SPTLC2: variants seen among roughly 807,000 people sequenced by gnomAD.
SPTLC2 encodes the protein serine palmitoyltransferase 2.
SPTLC2 carries 21 observed loss-of-function variants against 62.0 expected under a neutral mutation model. The ratio of observed to expected loss-of-function variants is 0.34; its 90% CI spans 0.24 to 0.49. The LOEUF is 0.49. Ranked by LOEUF, SPTLC2 falls within the 20% of genes least tolerant of loss-of-function variation. The probability of loss-of-function intolerance (pLI) is 0.99; values close to 1 mark genes in which losing one functional copy is unlikely to be tolerated. For synonymous variants in SPTLC2, 261 were observed against 261.8 expected (o/e 1.00, Z 0.03); for missense variants, 511 against 713.0 (o/e 0.72, Z 3.23).
intron 9 of SPTLC2, among the ~76,000 whole-genome samples, chr14:77,533,884 G>A (rs1344647743): frequency 2.0e-5 from 3 of 152,054 alleles, no homozygotes; most frequent in East Asian, 1.9e-4. Flanking sequence ...TGGGCTGGGC[G>A]CAGTGGCTCA....
intron 9 of SPTLC2, among the ~76,000 whole-genome samples, chr14:77,541,020 TTTA>T (rs2079497911): frequency 1.1e-5 from 1 of 92,720 alleles, no homozygotes; most frequent in African/African-American, 9.6e-5. Context: ...AAACATTTTA[TTTA>T]TTTATTTATT....
At chr14:77,534,022 G>C (rs757293304) in intron 9 of SPTLC2, among the ~76,000 whole-genome samples, 7 of 152,048 alleles carry the variant, frequency 4.6e-5, no homozygotes, top group Non-Finnish European at 7.4e-5. Flanking sequence ...ACCAGGTGTG[G>C]TGACGCACGC....
At chr14:77,598,139 A>T (rs1251909677) in intron 1 of SPTLC2, among the ~76,000 whole-genome samples, 5 of 151,582 alleles carry the variant, frequency 3.3e-5, no homozygotes, top group Non-Finnish European at 7.4e-5. Flanking sequence ...AAAAAAAAAA[A>T]GAATTTTGTA....
intron 5 of SPTLC2, among the ~76,000 whole-genome samples, chr14:77,566,568 C>G (rs1046872435): frequency 6.6e-6 from 1 of 152,118 alleles, no homozygotes; most frequent in Non-Finnish European, 1.5e-5. Context: ...CGGGTTCACG[C>G]CATTCTCCTG....
intron 9 of SPTLC2, among the ~76,000 whole-genome samples, chr14:77,543,955 CA>C (rs2079515082): frequency 6.6e-6 from 1 of 152,096 alleles, no homozygotes; most frequent in African/African-American, 2.4e-5. Context: ...CAATTACCAT[CA>C]ATCAGTAGAG....
chr14:77,610,912 T>C (rs963500432), intron 1 of SPTLC2, among the ~76,000 whole-genome samples: 30 of 132,372 alleles, frequency 2.3e-4, no homozygotes, highest in African/African-American at 7.8e-4. Context: ...TCTTTATATA[T>C]ATATATTTTT....
Position 77,521,494 on chromosome 14 carries a change from T to C in SPTLC2, c.1391A>G (p.Glu464Gly). The C allele has an allele frequency of 6.2e-7, 1 of 1,614,196 alleles. No individual in the cohort carries two copies. The highest frequency in any genetic ancestry group is 8.5e-7 in the Non-Finnish European group (1 of 1,180,026). Residue 464 changes from glutamate to glycine, a missense_variant, in exon 10 of 12, where the codon GAA becomes GGA. Coordinates refer to ENST00000216484, the MANE Select transcript of SPTLC2 (RefSeq NM_004863.4). ...CATCAAAGGCACTACTGGAGAGTCTTCATTTCCATAGATGATGAAGCCCAT... is the reference window on the plus strand; with the variant it reads ...CATCAAAGGCACTACTGGAGAGTCTCCATTTCCATAGATGATGAAGCCCAT... ...KEMGFIIYGN[E>G]DSPVVPLMLY...
intron 11 of SPTLC2, among the ~76,000 whole-genome samples, chr14:77,513,755 C>T (rs2079344925): frequency 1.3e-5 from 2 of 152,044 alleles, no homozygotes; most frequent in African/African-American, 2.4e-5. Context: ...ATTAGCTGGG[C>T]GTGGTGGCAC....
At chr14:77,529,757 G>A (rs538077665) in intron 9 of SPTLC2, among the ~76,000 whole-genome samples, 1 of 151,200 alleles carries the variant, frequency 6.6e-6, no homozygotes, top group African/African-American at 2.4e-5. Context: ...CAAGTAGCTG[G>A]GATTACAGAT....
chr14:77,606,373 C>CTGTGTGTG (rs59065946), intron 1 of SPTLC2, among the ~76,000 whole-genome samples: 2,414 of 148,330 alleles, frequency 0.016, 28 homozygotes, highest in Middle Eastern at 0.024. Context: ...AGGGAGGGGA[C>CTGTGTGTG]TGTGTGTGTG....
At chr14:77,581,301 C>T (rs2079748714) in intron 2 of SPTLC2, among the ~76,000 whole-genome samples, 1 of 151,980 alleles carries the variant, frequency 6.6e-6, no homozygotes, top group African/African-American at 2.4e-5. Flanking sequence ...ACACCGGACT[C>T]TCAAGTGCCT....
chr14:77,554,143 T>C (rs2079570604), intron 8 of SPTLC2, among the ~76,000 whole-genome samples: 1 of 152,206 alleles, frequency 6.6e-6, no homozygotes, highest in Non-Finnish European at 1.5e-5. Context: ...ACTCCGAATA[T>C]TGAGTGGTGA....
In SPTLC2 at chr14:77,555,299, C is replaced by A; in HGVS notation, c.1176+1G>T. The A allele has an allele frequency of 6.2e-7, 1 of 1,614,032 alleles. No homozygotes were observed. The highest frequency in any genetic ancestry group is 8.5e-7 in the Non-Finnish European group (1 of 1,179,994). On this transcript the variant is annotated splice_donor_variant, in intron 8 of 11. Transcript: ENST00000216484. LOFTEE classifies it high-confidence loss of function. ...ATCGCTCATTCTCATGGCTCGTTTACCTTCTTGCCTCCAATATATCCTCCA... is the reference window on the plus strand; with the variant it reads ...ATCGCTCATTCTCATGGCTCGTTTAACTTCTTGCCTCCAATATATCCTCCA...
intron 9 of SPTLC2, among the ~76,000 whole-genome samples, chr14:77,535,210 A>G (rs2079463136): frequency 1.3e-5 from 2 of 152,274 alleles, no homozygotes; most frequent in Admixed American, 6.5e-5. Context: ...TACAGCTGTG[A>G]GCCACCACAC....
intron 9 of SPTLC2, among the ~76,000 whole-genome samples, chr14:77,527,633 A>T (rs935330491): frequency 6.6e-6 from 1 of 152,206 alleles, no homozygotes; most frequent in African/African-American, 2.4e-5. Flanking sequence ...TTAAGGTTAG[A>T]AGGAACTACT....
intron 5 of SPTLC2, among the ~76,000 whole-genome samples, chr14:77,568,507 A>T (rs2079658786): frequency 6.6e-6 from 1 of 152,088 alleles, no homozygotes; most frequent in Non-Finnish European, 1.5e-5. Context: ...TTCTTCTGTT[A>T]ATTAAGAGAG....
At chr14:77,582,059 AAAT>A (rs1410983216) in intron 2 of SPTLC2, among the ~76,000 whole-genome samples, 1 of 151,294 alleles carries the variant, frequency 6.6e-6, no homozygotes, top group Non-Finnish European at 1.5e-5. Context: ...TTAAAAAAAA[AAAT>A]TTTTTTTTGA....
chr14:77,553,540 G>A (rs7153686), intron 8 of SPTLC2, among the ~76,000 whole-genome samples: 52,799 of 151,588 alleles, frequency 0.35, 9,765 homozygotes, highest in Admixed American at 0.44. Context: ...GACCATCCTG[G>A]CCAACACGGT....
In SPTLC2 at chr14:77,511,945, T is replaced by G; in HGVS notation, c.*339A>C. The G allele has an allele frequency of 2.8e-6, 1 of 355,258 alleles. No homozygotes were observed. Among genetic ancestry groups the G allele is most frequent in the Non-Finnish European group, 5.5e-6 (1 of 182,718 alleles). The allele number at this position is 355,258 out of a possible 1,614,324, so 22.0% of individuals were successfully genotyped here. ...TGATGGGCCCAAGTCTGCAAGGTGC[T>G]GGGAGAGGGGAATGGCCTGTGTGGT... On this transcript the variant is annotated 3_prime_UTR_variant, in exon 12 of 12. Coordinates refer to ENST00000216484, the MANE Select transcript of SPTLC2 (RefSeq NM_004863.4).
Sources: gnomAD v4.1 joint callset for allele counts (sites outside exome capture counted in the v4.1 genomes callset) on GRCh38, gnomAD v4.1.1 for gene constraint, MANE v1.5 for transcripts, NCBI Gene and HGNC (gene_info 2026-07-23, HGNC 2026-07-21) for gene names.